Variants in CNTNAP2 observed in about 807,000 individuals in gnomAD.
CNTNAP2 encodes the protein contactin-associated protein-like 2.
CNTNAP2 carries 98 observed loss-of-function variants against 155.2 expected under a neutral mutation model. The ratio of observed to expected loss-of-function variants is 0.63; its 90% CI spans 0.54 to 0.75. The LOEUF is 0.75. Ranked by LOEUF, CNTNAP2 falls within the 30% of genes least tolerant of loss-of-function variation. The pLI is 0.00. For missense variants in CNTNAP2, 1,727 were observed against 1,688.1 expected (o/e 1.02, Z -0.40); for synonymous variants, 651 against 631.2 (o/e 1.03, Z -0.47).
chr7:147,985,276 C>G (rs967089597), intron 15 of CNTNAP2, among the ~76,000 whole-genome samples: 1 of 151,834 alleles, frequency 6.6e-6, no homozygotes, highest in Non-Finnish European at 1.5e-5. Flanking sequence ...TCTGAACCCC[C>G]ACTGGGGGTG....
intron 1 of CNTNAP2, among the ~76,000 whole-genome samples, chr7:146,403,553 G>A (rs1795744449): frequency 6.6e-6 from 1 of 152,070 alleles, no homozygotes; most frequent in South Asian, 2.1e-4. Context: ...GGGGGGAAAA[G>A]TTGATCAATA....
At chr7:146,506,460 C>T (rs561813501) in intron 1 of CNTNAP2, among the ~76,000 whole-genome samples, 45 of 152,364 alleles carry the variant, frequency 3.0e-4, no homozygotes, top group African/African-American at 1.0e-3. Flanking sequence ...ATTTCTGCTG[C>T]AGCCATAGAG....
At chr7:147,562,370 A>G in intron 12 of CNTNAP2, 113 bp downstream of exon 12, 1 of 1,311,614 alleles carries the variant, frequency 7.6e-7, no homozygotes, top group Non-Finnish European at 1.1e-6. Context: ...ACATCTAATC[A>G]GCAACATATT....
intron 8 of CNTNAP2, among the ~76,000 whole-genome samples, chr7:147,163,501 C>T (rs542379739): frequency 2.0e-5 from 3 of 152,220 alleles, no homozygotes; most frequent in Non-Finnish European, 4.4e-5. Context: ...CTAAATGGTT[C>T]CTTAATCTCC....
chr7:146,560,140 T>C (rs1798258036), intron 1 of CNTNAP2, among the ~76,000 whole-genome samples: 2 of 152,134 alleles, frequency 1.3e-5, no homozygotes, highest in Non-Finnish European at 2.9e-5. Context: ...CATCACTGAA[T>C]TCCTTTGCAG....
At chr7:147,564,261 C>A (rs181501178) in intron 12 of CNTNAP2, among the ~76,000 whole-genome samples, 2 of 142,246 alleles carry the variant, frequency 1.4e-5, no homozygotes, top group East Asian at 4.1e-4. Flanking sequence ...ATGCTAGCTC[C>A]CAGTTTAATT....
At chr7:147,964,183 G>A (rs964807882) in intron 14 of CNTNAP2, among the ~76,000 whole-genome samples, 3 of 152,068 alleles carry the variant, frequency 2.0e-5, no homozygotes, top group Non-Finnish European at 4.4e-5. Context: ...ACGGTGGGAA[G>A]GTGGCCCTCC....
chr7:147,964,174 C>T (rs1474514077), intron 14 of CNTNAP2, among the ~76,000 whole-genome samples: 6 of 152,088 alleles, frequency 3.9e-5, no homozygotes, highest in South Asian at 2.1e-4. Flanking sequence ...TATGAGGACA[C>T]GGTGGGAAGG....
chr7:146,980,183 T>C (rs756085559), intron 3 of CNTNAP2, among the ~76,000 whole-genome samples: 10 of 151,580 alleles, frequency 6.6e-5, no homozygotes, highest in Non-Finnish European at 1.2e-4. Context: ...ATCAGGTGGA[T>C]AGGGGGATGT....
At chr7:147,519,801 G>A (rs1799201083) in intron 11 of CNTNAP2, among the ~76,000 whole-genome samples, 1 of 152,214 alleles carries the variant, frequency 6.6e-6, no homozygotes, top group African/African-American at 2.4e-5. Context: ...GGAGACAGAG[G>A]TTGCAGTGAG....
intron 10 of CNTNAP2, among the ~76,000 whole-genome samples, chr7:147,425,135 AT>A (rs3053208): frequency 0.3 from 44,023 of 146,662 alleles, 6,645 homozygotes; most frequent in African/African-American, 0.32. Context: ...TGCAAGTGGA[AT>A]TTTTTTTTTT....
chr7:148,325,603 C>T (rs10273912), intron 21 of CNTNAP2, among the ~76,000 whole-genome samples: 63,413 of 152,098 alleles, frequency 0.42, 13,632 homozygotes, highest in South Asian at 0.59. Flanking sequence ...CATATGTCTG[C>T]GTCTCCAGCC....
chr7:146,521,924 C>G (rs545999848), intron 1 of CNTNAP2, among the ~76,000 whole-genome samples: 1 of 152,000 alleles, frequency 6.6e-6, no homozygotes, highest in Non-Finnish European at 1.5e-5. Flanking sequence ...AATTTTGTAA[C>G]AGGCAATTCT....
In CNTNAP2 at chr7:146,226,926, A is replaced by G. The variant is rs2098288; in HGVS notation, c.97+109953A>G. On this transcript the variant is annotated intron_variant, in intron 1 of 23. Coordinates refer to ENST00000361727, the MANE Select transcript of CNTNAP2 (RefSeq NM_014141.6). ...CATGTACACTTCATTACTTTAAGAA[A>G]TGTTACTTTTGAAAGAAAAAATAGT... 1.3e-3 allele frequency among the ~76,000 whole-genome samples: 203 copies of G among 152,098 alleles called. 2 individuals carry two copies. The Middle Eastern group carries it at 0.014, about 10-fold the overall frequency.
At chr7:148,271,544 T>C (rs1796779840) in intron 21 of CNTNAP2, among the ~76,000 whole-genome samples, 1 of 152,226 alleles carries the variant, frequency 6.6e-6, no homozygotes, top group Admixed American at 6.5e-5. Context: ...ACCTAAGACC[T>C]ATGCTTTGCT....
chr7:147,669,289 AAAAC>A (rs748213031), intron 13 of CNTNAP2, among the ~76,000 whole-genome samples: 22 of 152,372 alleles, frequency 1.4e-4, no homozygotes, highest in Middle Eastern at 3.4e-3. Context: ...TAAAACTTTC[AAAAC>A]AAATAAATAC....
intron 1 of CNTNAP2, among the ~76,000 whole-genome samples, chr7:146,326,023 A>G (rs775380921): frequency 6.6e-5 from 10 of 152,214 alleles, no homozygotes; most frequent in South Asian, 2.1e-4. Flanking sequence ...GTTATATTCT[A>G]ACTAACAGTA....
At chr7:147,099,593 T>C (rs145838592) in intron 4 of CNTNAP2, among the ~76,000 whole-genome samples, 2 of 152,316 alleles carry the variant, frequency 1.3e-5, no homozygotes, top group East Asian at 3.9e-4. Context: ...TCACTATTTG[T>C]AACTAAACTG....
At chr7:147,603,337 GT>G (rs561882437) in intron 12 of CNTNAP2, among the ~76,000 whole-genome samples, 1 of 152,022 alleles carries the variant, frequency 6.6e-6, no homozygotes, top group African/African-American at 2.4e-5. Context: ...GGGGTTGTTT[GT>G]TTTTTTCTTG....
Sources: gnomAD v4.1 joint callset for allele counts (sites outside exome capture counted in the v4.1 genomes callset) on GRCh38, gnomAD v4.1.1 for gene constraint, MANE v1.5 for transcripts, NCBI Gene and HGNC (gene_info 2026-07-23, HGNC 2026-07-21) for gene names.